UGT3A1: variants seen among roughly 807,000 people sequenced by gnomAD.
UGT3A1 encodes the protein UDP-glycosyltransferase 3A1.
A neutral mutation model predicts 37.6 loss-of-function variants in UGT3A1; 40 were observed. The ratio of observed to expected loss-of-function variants is 1.06; its 90% CI spans 0.83 to 1.38. The LOEUF is 1.38. Ranked by LOEUF, UGT3A1 falls within the 40% of genes most tolerant of loss-of-function variation. The probability of loss-of-function intolerance (pLI) is 0.00; values close to 1 mark genes in which losing one functional copy is unlikely to be tolerated. For synonymous variants in UGT3A1, 256 were observed against 232.3 expected (o/e 1.10, Z -0.93); for missense variants, 642 against 634.2 (o/e 1.01, Z -0.13).
chr5:35,978,302 G>A (rs909227208), intron 2 of UGT3A1, among the ~76,000 whole-genome samples: 4 of 152,034 alleles, frequency 2.6e-5, no homozygotes, highest in Admixed American at 2.0e-4. Context: ...CTCAAAGTGC[G>A]GGGATTACAA....
chr5:35,959,137 A>C (rs1309258951), intron 4 of UGT3A1, among the ~76,000 whole-genome samples: 2 of 152,232 alleles, frequency 1.3e-5, no homozygotes, highest in Non-Finnish European at 2.9e-5. Context: ...AAGCACACAC[A>C]AAAGTCCAGA....
Position 35,952,218 on chromosome 5 carries a change from C to T in UGT3A1, c.*1984G>A, listed in dbSNP as rs1479036789. The stretch of plus-strand genomic sequence containing the variant: ...GAGAGAAGGAAGGGCATAGACAAAC[C>T]TCAGAGGTTAAAAACAGCAAAATGT... On this transcript the variant is annotated 3_prime_UTR_variant, in exon 7 of 7. Transcript: ENST00000274278. 6.6e-6 allele frequency: 1 copy of T among 152,142 alleles called. No homozygotes were observed. Among genetic ancestry groups the T allele is most frequent in the Non-Finnish European group, 1.5e-5 (1 of 68,026 alleles). The allele number at this position is 152,142 out of a possible 1,614,324, so 9.4% of individuals were successfully genotyped here. A position where few individuals can be genotyped will look rare whatever the true frequency, so the allele number is the denominator to read the frequency against.
At chr5:35,957,714 C>T (rs1008109419) in intron 4 of UGT3A1, among the ~76,000 whole-genome samples, 20 of 152,042 alleles carry the variant, frequency 1.3e-4, no homozygotes, top group African/African-American at 4.8e-4. Flanking sequence ...CTAGCTCATC[C>T]TATTGGGATC....
At chr5:35,976,217 C>G (rs911837432) in intron 2 of UGT3A1, among the ~76,000 whole-genome samples, 8 of 151,970 alleles carry the variant, frequency 5.3e-5, no homozygotes, top group African/African-American at 1.9e-4. Context: ...AATCAAATGG[C>G]AAAGAAAGAA....
At chr5:35,974,906 G>A (rs189325720) in intron 2 of UGT3A1, among the ~76,000 whole-genome samples, 16 of 152,266 alleles carry the variant, frequency 1.1e-4, no homozygotes, top group East Asian at 5.8e-4. Context: ...TGTCCGTTGC[G>A]TTGCCTATGG....
intron 1 of UGT3A1, among the ~76,000 whole-genome samples, chr5:35,990,309 TC>T (rs1740891671): frequency 6.6e-6 from 1 of 152,052 alleles, no homozygotes; most frequent in South Asian, 2.1e-4. Flanking sequence ...CGTGGTTCCT[TC>T]CAGCTCTAAG....
chr5:35,988,431 T>C lies in UGT3A1; in HGVS notation c.196+19A>G, dbSNP rs372956889. 1.7e-5 allele frequency: 26 copies of C among 1,548,914 alleles called. No individual in the cohort carries two copies. Among genetic ancestry groups the C allele is most frequent in the Non-Finnish European group, 2.3e-5 (26 of 1,139,598 alleles). On this transcript the variant is annotated intron_variant, in intron 2 of 6. Coordinates refer to ENST00000274278, the MANE Select transcript of UGT3A1 (RefSeq NM_152404.4). ...GCTTAGAGTAAAAGAATATAAAAAT[T>C]AGTTTTTAAAAAAGATACCTGGGAT... is the stretch of plus-strand genomic sequence containing the variant.
upstream of UGT3A1, among the ~76,000 whole-genome samples, chr5:35,995,971 A>G (rs1741084964): frequency 1.3e-5 from 2 of 151,804 alleles, no homozygotes; most frequent in Non-Finnish European, 2.9e-5. Flanking sequence ...TTGGGCCATG[A>G]CTAGACTAAT....
chr5:35,995,660 C>G (rs1487119000), upstream of UGT3A1, among the ~76,000 whole-genome samples: 1 of 152,136 alleles, frequency 6.6e-6, no homozygotes. Context: ...ATAGAGCCAA[C>G]AACCAGCCCC....
In UGT3A1 at chr5:35,954,238, C is replaced by T. The variant is rs1467570420; in HGVS notation, c.1536G>A (p.Arg512=). 5 of 1,614,054 alleles carry T rather than the reference C, an allele frequency of 3.1e-6. No individual in the cohort carries two copies. In the South Asian group the frequency reaches 4.4e-5, roughly 14 times the overall value. ...TCACCTTCCTGGCCCCACGCAGCCA[C>T]CTGGCCACCACACCCAGCAGCTTCC... is the stretch of plus-strand genomic sequence containing the variant. ...LCGKLLGVVA[R]WLRGARKVKK... Residue 512 remains arginine (R), a synonymous_variant, in exon 7 of 7, where the codon AGG becomes AGA. Transcript: ENST00000274278.
intron 2 of UGT3A1, 65 bp downstream of exon 2, chr5:35,988,385 A>T (rs1439450959): frequency 3.2e-6 from 4 of 1,251,008 alleles, no homozygotes; most frequent in Non-Finnish European, 4.4e-6. Flanking sequence ...CAGCTGTATA[A>T]AAAATATATT....
chr5:35,976,971 GGAGAAAGAGAA>G (rs1019773692), intron 2 of UGT3A1, among the ~76,000 whole-genome samples: 6 of 143,480 alleles, frequency 4.2e-5, no homozygotes, highest in South Asian at 2.2e-4. Flanking sequence ...AGAGAGAAAG[GGAGAAAGAGAA>G]GAGAAAGAGA....
chr5:35,969,369 C>A (rs1739943251), intron 2 of UGT3A1, among the ~76,000 whole-genome samples: 1 of 152,130 alleles, frequency 6.6e-6, no homozygotes, highest in African/African-American at 2.4e-5. Flanking sequence ...CCAATTTAAG[C>A]CTTGGGTCTC....
intron 2 of UGT3A1, among the ~76,000 whole-genome samples, chr5:35,971,634 A>C (rs2149969468): frequency 6.6e-6 from 1 of 152,250 alleles, no homozygotes; most frequent in African/African-American, 2.4e-5. Context: ...TTACTCAACC[A>C]ACCCTGAGAG....
At position 35,952,527 on chromosome 5, in the gene UGT3A1, G is replaced by A. The variant is rs927361057; in HGVS notation, c.*1675C>T. ...TGCAAGTTTATACAAGTGGCATAAA[G>A]TTGACCTCAATGAATTACCAAGTGT... is the stretch of plus-strand genomic sequence containing the variant. On this transcript the variant is annotated 3_prime_UTR_variant, in exon 7 of 7. Coordinates refer to ENST00000274278, the MANE Select transcript of UGT3A1 (RefSeq NM_152404.4). The A allele has an allele frequency of 6.6e-6, 1 of 152,212 alleles. No individual in the cohort carries two copies. Among genetic ancestry groups the A allele is most frequent in the Non-Finnish European group, 1.5e-5 (1 of 68,078 alleles). The allele number at this position is 152,212 out of a possible 1,614,324, so 9.4% of individuals were successfully genotyped here. A position where few individuals can be genotyped will look rare whatever the true frequency, so the allele number is the denominator to read the frequency against.
chr5:35,984,867 C>T (rs899180653), intron 2 of UGT3A1, among the ~76,000 whole-genome samples: 10 of 152,058 alleles, frequency 6.6e-5, no homozygotes, highest in South Asian at 6.2e-4. Flanking sequence ...AATGTGGAAT[C>T]TGAATCTTAC....
chr5:35,984,300 A>G (rs1740643437), intron 2 of UGT3A1, among the ~76,000 whole-genome samples: 1 of 152,202 alleles, frequency 6.6e-6, no homozygotes, highest in Admixed American at 6.5e-5. Context: ...TTCCATTTAT[A>G]TGGCTTGAGA....
At chr5:35,964,880 A>G (rs1406443697) in intron 4 of UGT3A1, among the ~76,000 whole-genome samples, 1 of 152,162 alleles carries the variant, frequency 6.6e-6, no homozygotes, top group African/African-American at 2.4e-5. Flanking sequence ...CAAGTCAGAA[A>G]GTCTAGGTGG....
intron 6 of UGT3A1, 200 bp downstream of exon 6, chr5:35,955,445 G>T: frequency 1.6e-6 from 1 of 638,080 alleles, no homozygotes; most frequent in Non-Finnish European, 2.7e-6. Flanking sequence ...CTTAAGGTAG[G>T]AAAGTAATTC....
Sources: allele counts gnomAD v4.1 joint callset (sites outside exome capture counted in the v4.1 genomes callset), GRCh38; gene constraint gnomAD v4.1.1; transcripts MANE v1.5; gene names NCBI Gene and HGNC (gene_info 2026-07-23, HGNC 2026-07-21).